The following PPP3CB variants were observed in gnomAD, a reference collection of about 807,000 sequenced individuals.
PPP3CB encodes protein phosphatase 3 catalytic subunit beta, also known as serine/threonine-protein phosphatase 2B catalytic subunit beta isoform.
Under a neutral mutation model 66.4 loss-of-function variants are expected in PPP3CB, and 8 were observed. The ratio of observed to expected loss-of-function variants is 0.12; its 90% CI spans 0.07 to 0.22. The LOEUF is 0.22. Ranked by LOEUF, PPP3CB falls within the 10% of genes least tolerant of loss-of-function variation. The probability of loss-of-function intolerance (pLI) is 1.00; values close to 1 mark genes in which losing one functional copy is unlikely to be tolerated. For synonymous variants in PPP3CB, 208 were observed against 221.2 expected, an observed-to-expected ratio of 0.94 and a Z score of 0.53; for missense variants, 319 against 642.5, an observed-to-expected ratio of 0.50 and a Z score of 5.44.
In PPP3CB at chr10:73,437,962, C is replaced by A; in HGVS notation, c.*280G>T. ...GATTTGTAAACTTAAATGTGTGAAC[C>A]ACAAGCATAAAATGGAGGTGTGGAT... On this transcript the variant is annotated 3_prime_UTR_variant, in exon 14 of 14. Transcript: ENST00000360663. 1 of 315,002 alleles carries A rather than the reference C, an allele frequency of 3.2e-6. No homozygotes were observed. Among genetic ancestry groups the A allele is most frequent in the Non-Finnish European group, 5.7e-6 (1 of 173,936 alleles). 19.5% of individuals were successfully genotyped at this position (315,002 alleles called of 1,614,324 possible).
chr10:73,453,202 T>C (rs1457482318), intron 10 of PPP3CB, among the ~76,000 whole-genome samples: 14 of 152,230 alleles, frequency 9.2e-5, no homozygotes, highest in Admixed American at 9.2e-4. Flanking sequence ...CCAATCCTTC[T>C]GCAAAGCAAT....
chr10:73,446,696 T>A, intron 10 of PPP3CB, 123 bp from the exon 11 acceptor site: 2 of 837,048 alleles, frequency 2.4e-6, no homozygotes, highest in Non-Finnish European at 3.9e-6. Flanking sequence ...CCAGCTTACA[T>A]GGAGGGGACT....
intron 1 of PPP3CB, among the ~76,000 whole-genome samples, chr10:73,490,406 T>C (rs1045023610): frequency 7.2e-5 from 11 of 152,264 alleles, no homozygotes; most frequent in Admixed American, 7.2e-4. Flanking sequence ...TCCTACAGTT[T>C]TGTGATACAG....
chr10:73,458,822 C>A (rs1309171456), intron 9 of PPP3CB, among the ~76,000 whole-genome samples: 1 of 151,962 alleles, frequency 6.6e-6, no homozygotes, highest in African/African-American at 2.4e-5. Context: ...GTAATCCCAG[C>A]ACTTTGGGAG....
intron 9 of PPP3CB, among the ~76,000 whole-genome samples, chr10:73,455,428 C>T (rs1404405336): frequency 6.6e-6 from 1 of 152,222 alleles, no homozygotes; most frequent in Non-Finnish European, 1.5e-5. Flanking sequence ...TATTATTCCT[C>T]CTATATGTTC....
At chr10:73,476,309 C>T (rs1046517956) in intron 3 of PPP3CB, among the ~76,000 whole-genome samples, 13 of 152,074 alleles carry the variant, frequency 8.5e-5, no homozygotes, top group African/African-American at 2.9e-4. Flanking sequence ...TTTATAACAA[C>T]AAAATGTATT....
intron 8 of PPP3CB, among the ~76,000 whole-genome samples, chr10:73,468,865 A>G (rs1234068685): frequency 1.3e-5 from 2 of 152,254 alleles, no homozygotes; most frequent in African/African-American, 2.4e-5. Context: ...AAAAATTATG[A>G]GCTGATACCA....
intron 9 of PPP3CB, among the ~76,000 whole-genome samples, chr10:73,456,603 G>A (rs2056431158): frequency 6.6e-6 from 1 of 152,044 alleles, no homozygotes; most frequent in African/African-American, 2.4e-5. Flanking sequence ...TTTCAACAAT[G>A]GTCAACTACA....
intron 1 of PPP3CB, among the ~76,000 whole-genome samples, chr10:73,487,893 A>G (rs1589720094): frequency 6.6e-6 from 1 of 151,318 alleles, no homozygotes; most frequent in South Asian, 2.1e-4. Flanking sequence ...GATTCTCCCT[A>G]CCTCAGCCTC....
At chr10:73,476,972 C>A (rs1338445552) in intron 3 of PPP3CB, among the ~76,000 whole-genome samples, 1 of 152,168 alleles carries the variant, frequency 6.6e-6, no homozygotes, top group African/African-American at 2.4e-5. Flanking sequence ...GAGATATAAA[C>A]AACAGTAACC....
chr10:73,489,726 GCTC>G (rs1165484539), intron 1 of PPP3CB, among the ~76,000 whole-genome samples: 3 of 152,112 alleles, frequency 2.0e-5, no homozygotes, highest in Admixed American at 6.5e-5. Flanking sequence ...TTAAGTTTTA[GCTC>G]CTCAACTTGT....
chr10:73,458,024 T>C (rs1395861205), intron 9 of PPP3CB, among the ~76,000 whole-genome samples: 2 of 152,226 alleles, frequency 1.3e-5, no homozygotes, highest in Non-Finnish European at 2.9e-5. Flanking sequence ...AAGTACAATG[T>C]ATGCTAGTCT....
Position 73,487,193 on chromosome 10 carries a change from C to T in PPP3CB, c.86-7676G>A, listed in dbSNP as rs144976607. On this transcript the variant is annotated intron_variant, in intron 1 of 13. Coordinates refer to ENST00000360663, the MANE Select transcript of PPP3CB (RefSeq NM_021132.4). ...AAAAGAAAACTAGTCATCATAGGCT[C>T]AAGTTTCTGGCCCACAAGTCTTATC... Among the ~76,000 whole-genome samples, 301 of 151,862 alleles carry T rather than the reference C, an allele frequency of 2.0e-3. 3 individuals are homozygous for T. In the East Asian group the frequency reaches 0.023, roughly 12 times the overall value.
chr10:73,463,572 A>G (rs1364062519), intron 9 of PPP3CB, among the ~76,000 whole-genome samples: 1 of 152,224 alleles, frequency 6.6e-6, no homozygotes, highest in Non-Finnish European at 1.5e-5. Context: ...TCTGTTGCTC[A>G]TATCCACCAG....
At chr10:73,451,907 G>A (rs190509046) in intron 10 of PPP3CB, among the ~76,000 whole-genome samples, 3 of 151,814 alleles carry the variant, frequency 2.0e-5, no homozygotes, top group Admixed American at 1.3e-4. Context: ...CACAACGACC[G>A]GCTAATTTTT....
At chr10:73,495,715 G>C in intron 1 of PPP3CB, 90 bp downstream of exon 1, 1 of 1,477,308 alleles carries the variant, frequency 6.8e-7, no homozygotes, top group Non-Finnish European at 9.0e-7. Flanking sequence ...CCGCCCTTCC[G>C]GGCCCACTCC....
At chr10:73,472,560 T>C (rs536022419) in intron 4 of PPP3CB, among the ~76,000 whole-genome samples, 11 of 151,190 alleles carry the variant, frequency 7.3e-5, no homozygotes, top group Admixed American at 2.0e-4. Flanking sequence ...ATCGGCCAAA[T>C]AAGGCAAAAT....
intron 9 of PPP3CB, among the ~76,000 whole-genome samples, chr10:73,463,920 C>G (rs2132887198): frequency 6.6e-6 from 1 of 151,814 alleles, no homozygotes; most frequent in South Asian, 2.1e-4. Flanking sequence ...CAGGCGTAAG[C>G]CACTGCGCCC....
intron 1 of PPP3CB, among the ~76,000 whole-genome samples, chr10:73,480,222 A>G (rs1025373513): frequency 2.0e-5 from 3 of 151,110 alleles, no homozygotes; most frequent in Non-Finnish European, 4.4e-5. Flanking sequence ...CAAAATACTG[A>G]TTTTTCTCCT....
Sources: gnomAD v4.1 joint callset for allele counts (sites outside exome capture counted in the v4.1 genomes callset) on GRCh38, gnomAD v4.1.1 for gene constraint, MANE v1.5 for transcripts, NCBI Gene and HGNC (gene_info 2026-07-23, HGNC 2026-07-21) for gene names.